The following MAML3 variants were observed in gnomAD, a reference collection of about 807,000 sequenced individuals.
MAML3 encodes mastermind like transcriptional coactivator 3.
A neutral mutation model predicts 101.9 loss-of-function variants in MAML3; 27 were observed. That is an observed-to-expected ratio of 0.27 (90% confidence interval 0.20 to 0.37). The LOEUF is 0.37. MAML3 is among the 10% of genes least tolerant of loss of function. The pLI, the probability that MAML3 is intolerant of heterozygous loss-of-function variation, is 1.00. For missense variants in MAML3, 1,316 were observed against 1,444.9 expected (o/e 0.91, Z 1.45); for synonymous variants, 501 against 555.9 (o/e 0.90, Z 1.39).
At chr4:139,867,974 G>A (rs1308520345) in intron 2 of MAML3, among the ~76,000 whole-genome samples, 1 of 152,192 alleles carries the variant, frequency 6.6e-6, no homozygotes, top group East Asian at 1.9e-4. Flanking sequence ...CTGGAATTGA[G>A]TTCTCTTCCT....
intron 1 of MAML3, among the ~76,000 whole-genome samples, chr4:140,011,168 C>A (rs867137169): frequency 6.5e-5 from 8 of 122,982 alleles, no homozygotes; most frequent in African/African-American, 2.6e-4. Context: ...ATATATATGA[C>A]ATATATGTCA....
intron 1 of MAML3, among the ~76,000 whole-genome samples, chr4:140,144,917 C>G (rs574044971): frequency 1.3e-5 from 2 of 152,284 alleles, no homozygotes; most frequent in East Asian, 1.9e-4. Context: ...GGGTACCCAG[C>G]CTTTTAGATT....
intron 1 of MAML3, among the ~76,000 whole-genome samples, chr4:140,057,058 G>A (rs1727361143): frequency 6.6e-6 from 1 of 152,108 alleles, no homozygotes; most frequent in South Asian, 2.1e-4. Context: ...ACAAAGTCAG[G>A]ATTTAAGCCA....
chr4:139,720,781 C>T (rs1189314903), intron 4 of MAML3, among the ~76,000 whole-genome samples: 1 of 152,172 alleles, frequency 6.6e-6, no homozygotes, highest in African/African-American at 2.4e-5. Context: ...AGAGAGAATC[C>T]ACCTCTGGGG....
chr4:139,799,158 G>A (rs987401001), intron 2 of MAML3, among the ~76,000 whole-genome samples: 1 of 152,158 alleles, frequency 6.6e-6, no homozygotes, highest in Non-Finnish European at 1.5e-5. Flanking sequence ...CAAAGATTGG[G>A]TGAGAACATT....
intron 1 of MAML3, among the ~76,000 whole-genome samples, chr4:139,895,649 G>C (rs1276167228): frequency 6.6e-6 from 1 of 152,156 alleles, no homozygotes; most frequent in Non-Finnish European, 1.5e-5. Flanking sequence ...AACACAAATA[G>C]GTAGGGTATT....
chr4:139,842,628 A>T (rs1033739888), intron 2 of MAML3, among the ~76,000 whole-genome samples: 339 of 125,666 alleles, frequency 2.7e-3, no homozygotes, highest in Middle Eastern at 0.019. Context: ...AGTGATTCTC[A>T]TGCCTCAGCC....
chr4:140,132,227 C>T (rs1183331911), intron 1 of MAML3, among the ~76,000 whole-genome samples: 2 of 152,242 alleles, frequency 1.3e-5, no homozygotes, highest in Non-Finnish European at 2.9e-5. Context: ...CCTTGCCCTT[C>T]TCTCCTGTAA....
chr4:140,062,184 TA>T, intron 1 of MAML3, among the ~76,000 whole-genome samples: 1 of 152,264 alleles, frequency 6.6e-6, no homozygotes, highest in African/African-American at 2.4e-5. Context: ...AAGGTTTTTT[TA>T]AAAAATTATT....
At chr4:139,741,297 C>A (rs1335295881) in intron 2 of MAML3, among the ~76,000 whole-genome samples, 1 of 152,114 alleles carries the variant, frequency 6.6e-6, no homozygotes, top group Non-Finnish European at 1.5e-5. Context: ...TCCGTGAGGG[C>A]CTATGGGGGA....
In MAML3 at chr4:139,717,859, T is replaced by C. The variant is rs1728050949; in HGVS notation, c.*1464A>G. The C allele has an allele frequency of 6.6e-6, 1 of 151,960 alleles. No homozygotes were observed. Among genetic ancestry groups the C allele is most frequent in the Non-Finnish European group, 1.5e-5 (1 of 67,998 alleles). The allele number at this position is 151,960 out of a possible 1,614,324, so 9.4% of individuals were successfully genotyped here. On this transcript the variant is annotated 3_prime_UTR_variant, in exon 5 of 5. Coordinates refer to ENST00000509479, the MANE Select transcript of MAML3 (RefSeq NM_018717.5). ...GGATTGGGAGGGGAGGCAAGGAGCCTTGTTGATTCCTTCTGACAGATTTCG... is the reference window on the plus strand; with the variant it reads ...GGATTGGGAGGGGAGGCAAGGAGCCCTGTTGATTCCTTCTGACAGATTTCG...
chr4:139,846,370 AG>A (rs1487008642), intron 2 of MAML3, among the ~76,000 whole-genome samples: 3 of 152,260 alleles, frequency 2.0e-5, no homozygotes, highest in Admixed American at 2.0e-4. Context: ...TTTGTGAGAC[AG>A]GGTCTCACTC....
chr4:139,925,088 T>C (rs1733194622), intron 1 of MAML3, among the ~76,000 whole-genome samples: 1 of 152,078 alleles, frequency 6.6e-6, no homozygotes, highest in African/African-American at 2.4e-5. Flanking sequence ...AAAAAGTGAG[T>C]TGAGCACAAA....
chr4:139,820,026 T>C (rs1401939652), intron 2 of MAML3, among the ~76,000 whole-genome samples: 2 of 152,120 alleles, frequency 1.3e-5, no homozygotes, highest in Non-Finnish European at 2.9e-5. Flanking sequence ...CCACCTGTAG[T>C]ATAAAAAAGA....
intron 1 of MAML3, among the ~76,000 whole-genome samples, chr4:140,091,514 T>TAAAAC (rs1728047298): frequency 3.4e-5 from 1 of 29,036 alleles, no homozygotes; most frequent in East Asian, 1.1e-3. Context: ...ATGATTAGTG[T>TAAAAC]AAAACAAAAC....
At chr4:139,962,594 C>G (rs528083374) in intron 1 of MAML3, among the ~76,000 whole-genome samples, 3 of 152,162 alleles carry the variant, frequency 2.0e-5, no homozygotes, top group Non-Finnish European at 4.4e-5. Context: ...AGTAGAAATA[C>G]AACTTCGGTC....
intron 2 of MAML3, among the ~76,000 whole-genome samples, chr4:139,844,016 A>C (rs1731402898): frequency 6.6e-6 from 1 of 152,246 alleles, no homozygotes; most frequent in Non-Finnish European, 1.5e-5. Flanking sequence ...TCCTAAGAAC[A>C]TTCTGAATCA....
intron 2 of MAML3, among the ~76,000 whole-genome samples, chr4:139,797,070 C>T (rs1730523233): frequency 6.6e-6 from 1 of 152,162 alleles, no homozygotes; most frequent in Admixed American, 6.6e-5. Context: ...AGCAGGTACT[C>T]CCCCTACATG....
intron 2 of MAML3, among the ~76,000 whole-genome samples, chr4:139,810,990 G>GT (rs1553958135): frequency 6.6e-6 from 1 of 152,150 alleles, no homozygotes; most frequent in Non-Finnish European, 1.5e-5. Flanking sequence ...GAGCACAGAC[G>GT]TAAGGCCAGC....
Sources: gnomAD v4.1 joint callset for allele counts (sites outside exome capture counted in the v4.1 genomes callset) on GRCh38, gnomAD v4.1.1 for gene constraint, MANE v1.5 for transcripts, NCBI Gene and HGNC (gene_info 2026-07-23, HGNC 2026-07-21) for gene names.